MCMDC2: variants seen among roughly 807,000 people sequenced by gnomAD.
MCMDC2 encodes minichromosome maintenance domain-containing protein 2.
Under a neutral mutation model 75.8 loss-of-function variants are expected in MCMDC2, and 54 were observed. The ratio of observed to expected loss-of-function variants is 0.71; its 90% CI spans 0.57 to 0.89. MCMDC2 has a LOEUF of 0.89. Among genes scored for constraint, MCMDC2 ranks in the 40% least tolerant of loss-of-function variants. MCMDC2 has a pLI of 0.00. For synonymous variants in MCMDC2, 249 were observed against 274.6 expected (o/e 0.91, Z 0.92); for missense variants, 656 against 780.4 (o/e 0.84, Z 1.90).
intron 10 of MCMDC2, among the ~76,000 whole-genome samples, chr8:66,893,282 G>A (rs1812196742): frequency 6.6e-6 from 1 of 152,194 alleles, no homozygotes; most frequent in Non-Finnish European, 1.5e-5. Context: ...GCTGAGGCAA[G>A]AGGATTGCTG....
intron 7 of MCMDC2, among the ~76,000 whole-genome samples, chr8:66,879,989 C>T (rs1457008327): frequency 6.6e-6 from 1 of 152,168 alleles, no homozygotes; most frequent in East Asian, 1.9e-4. Context: ...AGCTTTACAA[C>T]CAACCAACTT....
intron 9 of MCMDC2, among the ~76,000 whole-genome samples, chr8:66,885,207 C>T (rs1271100697): frequency 6.6e-6 from 1 of 151,808 alleles, no homozygotes; most frequent in African/African-American, 2.4e-5. Flanking sequence ...GTGGCACGCG[C>T]CTGTAGTCCC....
At chr8:66,892,605 G>A (rs1812162237) in intron 10 of MCMDC2, among the ~76,000 whole-genome samples, 1 of 152,196 alleles carries the variant, frequency 6.6e-6, no homozygotes, top group Non-Finnish European at 1.5e-5. Flanking sequence ...TAAGAATGGA[G>A]GAAGTACATG....
At chr8:66,899,757 A>T (rs1812549585) in intron 12 of MCMDC2, among the ~76,000 whole-genome samples, 1 of 151,572 alleles carries the variant, frequency 6.6e-6, no homozygotes, top group African/African-American at 2.4e-5. Context: ...CGGCCTCCCA[A>T]AGTGCTGGGA....
At chr8:66,905,599 A>G (rs1812873341) in intron 14 of MCMDC2, among the ~76,000 whole-genome samples, 1 of 152,186 alleles carries the variant, frequency 6.6e-6, no homozygotes, top group African/African-American at 2.4e-5. Context: ...TGGGGGAAAA[A>G]GTACTTACTA....
intron 14 of MCMDC2, among the ~76,000 whole-genome samples, chr8:66,910,618 T>C (rs1401617753): frequency 6.6e-6 from 1 of 152,180 alleles, no homozygotes; most frequent in Non-Finnish European, 1.5e-5. Context: ...GAGACCAGCC[T>C]GGCCAACATG....
At chr8:66,914,088 G>GGCAA (rs1813216824) in intron 14 of MCMDC2, among the ~76,000 whole-genome samples, 1 of 149,698 alleles carries the variant, frequency 6.7e-6, no homozygotes, top group Non-Finnish European at 1.5e-5. Context: ...GACCAGCTTG[G>GGCAA]GCAACATGGT....
In MCMDC2 at chr8:66,912,272, C is replaced by A. The variant is rs1392710405; in HGVS notation, c.1880-6731C>A. On this transcript the variant is annotated intron_variant, in intron 14 of 14. Transcript: ENST00000422365. The stretch of plus-strand genomic sequence containing the variant: ...AAGAGAACTAGAATTAGAAGTGGAA[C>A]CTGAAGATGTGACTTAATTGCTATA... 2.6e-5 allele frequency among the ~76,000 whole-genome samples: 4 copies of A among 152,070 alleles called. No homozygotes were observed. In the East Asian group the frequency reaches 7.7e-4, roughly 29 times the overall value.
downstream of MCMDC2, chr8:66,922,717 T>A: frequency 3.7e-6 from 1 of 267,028 alleles, no homozygotes; most frequent in East Asian, 1.0e-4. Flanking sequence ...CTCAAAGGCT[T>A]TCTTGCACCT....
In MCMDC2 at chr8:66,919,981, G is replaced by A. The variant is rs1179650068; in HGVS notation, c.*812G>A. The stretch of plus-strand genomic sequence containing the variant: ...TTGTAAAATTTATAAATCCTTTTTA[G>A]TTCAGTTTCCATAACTTTAATAAAA... On this transcript the variant is annotated 3_prime_UTR_variant, in exon 15 of 15. Coordinates refer to ENST00000422365, the MANE Select transcript of MCMDC2 (RefSeq NM_173518.5). 6.6e-6 allele frequency: 1 copy of A among 152,166 alleles called. No homozygotes were observed. The highest frequency in any genetic ancestry group is 1.5e-5 in the Non-Finnish European group (1 of 68,024). 9.4% of individuals were successfully genotyped at this position (152,166 alleles called of 1,614,324 possible).
In MCMDC2 at chr8:66,920,554, A is replaced by C. The variant is rs1233761469; in HGVS notation, c.*1385A>C. The C allele has an allele frequency of 6.6e-6, 1 of 152,220 alleles. No homozygotes were observed. The highest frequency in any genetic ancestry group is 1.5e-5 in the Non-Finnish European group (1 of 68,042). The allele number at this position is 152,220 out of a possible 1,614,324, so 9.4% of individuals were successfully genotyped here. ...TTTCAACAAAATACTTACATATTAC[A>C]GTTCTATAATGTTAAGACGTTTATT... is the stretch of plus-strand genomic sequence containing the variant. On this transcript the variant is annotated 3_prime_UTR_variant, in exon 15 of 15. Coordinates refer to ENST00000422365, the MANE Select transcript of MCMDC2 (RefSeq NM_173518.5).
chr8:66,906,689 A>T (rs1207167889), intron 14 of MCMDC2, among the ~76,000 whole-genome samples: 1 of 151,716 alleles, frequency 6.6e-6, no homozygotes, highest in Admixed American at 6.6e-5. Flanking sequence ...ACTAAATAAT[A>T]GTTAGGGAGG....
At chr8:66,897,442 A>C (rs1438503428) in intron 12 of MCMDC2, among the ~76,000 whole-genome samples, 1 of 151,894 alleles carries the variant, frequency 6.6e-6, no homozygotes, top group African/African-American at 2.4e-5. Flanking sequence ...AAAAGAAAGA[A>C]ATTATTTAGA....
intron 8 of MCMDC2, among the ~76,000 whole-genome samples, chr8:66,883,351 A>G (rs964927682): frequency 1.4e-4 from 22 of 152,240 alleles, no homozygotes; most frequent in African/African-American, 5.3e-4. Flanking sequence ...GTTTGCTCAC[A>G]TAGATCTTAA....
At position 66,883,927 on chromosome 8, in the gene MCMDC2, C is replaced by A. The variant is rs774182901; in HGVS notation, c.1006C>A (p.Arg336Ser). 2 of 1,613,848 alleles carry A rather than the reference C, an allele frequency of 1.2e-6. No individual in the cohort carries two copies. Among genetic ancestry groups the A allele is most frequent in the Non-Finnish European group, 1.7e-6 (2 of 1,179,948 alleles). ...GATGAGTCTAGTACAGACAACTGACCGTAACAAGGAACTGGAAGATTGCCT... is the reference window on the plus strand; with the variant it reads ...GATGAGTCTAGTACAGACAACTGACAGTAACAAGGAACTGGAAGATTGCCT... Reference protein sequence around the residue: ...LLMSLVQTTDRNKELEDCLDI... With the variant: ...LLMSLVQTTDSNKELEDCLDI... Residue 336 changes from arginine to serine, a missense_variant, in exon 9 of 15, where the codon CGT (arginine) becomes AGT (serine). Coordinates refer to ENST00000422365, the MANE Select transcript of MCMDC2 (RefSeq NM_173518.5).
rs1811425498 is a variant in MCMDC2, at chr8:66,878,850, C to T, written c.640C>T (p.Leu214Phe). 15 of 1,609,510 alleles carry T rather than the reference C, an allele frequency of 9.3e-6. No individual in the cohort carries two copies. Among genetic ancestry groups the T allele is most frequent in the Non-Finnish European group, 1.2e-5 (14 of 1,178,596 alleles). Residue 214 changes from leucine to phenylalanine, a missense_variant, in exon 7 of 15, where the codon CTT (leucine) becomes TTT (phenylalanine). Transcript: ENST00000422365. ...AGTTGAAATAATTGCCACAAAGGCA[C>T]TTCGTGCTTTTCAAGGATATTCTAA... The part of the protein sequence containing the change: ...QIVEIIATKA[L>F]RAFQGYSNNQ...
chr8:66,894,966 T>C (rs1046771031), intron 10 of MCMDC2, among the ~76,000 whole-genome samples: 22 of 152,234 alleles, frequency 1.4e-4, no homozygotes, highest in African/African-American at 5.3e-4. Flanking sequence ...TCTGTTTCTG[T>C]GTATTTGCCT....
At chr8:66,882,502 A>G (rs1436429232) in intron 8 of MCMDC2, among the ~76,000 whole-genome samples, 1 of 152,134 alleles carries the variant, frequency 6.6e-6, no homozygotes, top group Non-Finnish European at 1.5e-5. Flanking sequence ...AGTGGCTGGG[A>G]TTACAGGTGC....
At position 66,921,788 on chromosome 8, in the gene MCMDC2, C is replaced by T. The variant is rs1813543530; in HGVS notation, c.*2619C>T. ...CTGAAGGGGAAGCCAGACAGGGAAC[C>T]TAGAGGTACAAGCAATGTCTCCCCA... On this transcript the variant is annotated 3_prime_UTR_variant, in exon 15 of 15. Transcript: ENST00000422365. 2 of 152,132 alleles carry T rather than the reference C, an allele frequency of 1.3e-5. No homozygotes were observed. Among genetic ancestry groups the T allele is most frequent in the Non-Finnish European group, 2.9e-5 (2 of 68,030 alleles). The allele number at this position is 152,132 out of a possible 1,614,324, so 9.4% of individuals were successfully genotyped here.
Sources: gnomAD v4.1 joint callset for allele counts (sites outside exome capture counted in the v4.1 genomes callset) on GRCh38, gnomAD v4.1.1 for gene constraint, MANE v1.5 for transcripts, NCBI Gene and HGNC (gene_info 2026-07-23, HGNC 2026-07-21) for gene names.